Variants in GRHL2 observed in about 807,000 individuals in gnomAD.
The protein encoded by GRHL2 is grainyhead like transcription factor 2.
A neutral mutation model predicts 83.8 loss-of-function variants in GRHL2; 21 were observed. The observed-to-expected ratio is 0.25, with a 90% CI of 0.18 to 0.36. The LOEUF (loss-of-function observed/expected upper bound fraction) is 0.36, where lower values mean the gene tolerates loss of function less well. GRHL2 is among the 10% of genes least tolerant of loss of function. GRHL2 has a pLI of 1.00. For missense variants in GRHL2, 623 were observed against 781.8 expected (o/e 0.80, Z 2.42); for synonymous variants, 280 against 278.9 (o/e 1.00, Z -0.04).
chr8:101,573,816 A>C lies in GRHL2; in HGVS notation c.883A>C (p.Lys295Gln), dbSNP rs775971734. Residue 295 changes from lysine (K) to glutamine (Q), a missense_variant, in exon 6 of 16, where the codon AAA becomes CAA. By Grantham distance (53) the Lys-to-Gln change is moderately conservative. Transcript: ENST00000646743. ...DNKCFRHPISKVRSVVMVVFS... is the reference protein window; with the variant it reads ...DNKCFRHPISQVRSVVMVVFS... The stretch of plus-strand genomic sequence containing the variant: ...CAAATGCTTCCGACACCCCATCAGC[A>C]AAGTCAGGGTAGGGGCCACATTTCT... The C allele has an allele frequency of 6.2e-7, 1 of 1,614,230 alleles. No individual in the cohort carries two copies. Among genetic ancestry groups the C allele is most frequent in the Admixed American group, 1.7e-5 (1 of 60,032 alleles).
chr8:101,657,932 G>A (rs1025920322), intron 14 of GRHL2, among the ~76,000 whole-genome samples: 1 of 152,116 alleles, frequency 6.6e-6, no homozygotes, highest in Non-Finnish European at 1.5e-5. Context: ...TGTGCCACAC[G>A]TTTTCCATTC....
chr8:101,581,807 G>C (rs1812058022), intron 7 of GRHL2, among the ~76,000 whole-genome samples: 1 of 152,208 alleles, frequency 6.6e-6, no homozygotes, highest in African/African-American at 2.4e-5. Flanking sequence ...GTAAGTGGCA[G>C]CATAGAAGAG....
At chr8:101,619,265 T>C (rs1812916349) in intron 8 of GRHL2, among the ~76,000 whole-genome samples, 2 of 151,836 alleles carry the variant, frequency 1.3e-5, no homozygotes, top group South Asian at 4.2e-4. Flanking sequence ...AAAAATAAAA[T>C]AAAATAAAAT....
chr8:101,648,129 G>C (rs1299382226), intron 13 of GRHL2, among the ~76,000 whole-genome samples: 2 of 152,164 alleles, frequency 1.3e-5, no homozygotes, highest in African/African-American at 4.8e-5. Flanking sequence ...GGGGATGAGG[G>C]TGGCCTCTGA....
intron 1 of GRHL2, among the ~76,000 whole-genome samples, chr8:101,542,142 A>G (rs116829047): frequency 1.3e-3 from 200 of 152,326 alleles, no homozygotes; most frequent in African/African-American, 4.6e-3. Context: ...TTTCAAGTAT[A>G]GATTAAACTA....
chr8:101,642,811 T>C (rs1813428825), intron 12 of GRHL2, among the ~76,000 whole-genome samples: 1 of 152,254 alleles, frequency 6.6e-6, no homozygotes, highest in Non-Finnish European at 1.5e-5. Context: ...GGTGCTTCTC[T>C]GAATAGCCTG....
chr8:101,643,369 CAAAAAAAA>C (rs56301334), intron 12 of GRHL2, among the ~76,000 whole-genome samples: 10,124 of 97,072 alleles, frequency 0.1, 773 homozygotes, highest in African/African-American at 0.24. Context: ...CTGTTTCTCT[CAAAAAAAA>C]AAAAAAAAAA....
chr8:101,523,382 G>A (rs1175923142), intron 1 of GRHL2, among the ~76,000 whole-genome samples: 2 of 152,034 alleles, frequency 1.3e-5, no homozygotes, highest in Non-Finnish European at 2.9e-5. Flanking sequence ...AAGAATGTTG[G>A]ATGCTATGGA....
At chr8:101,508,106 C>A in intron 1 of GRHL2, among the ~76,000 whole-genome samples, 1 of 152,120 alleles carries the variant, frequency 6.6e-6, no homozygotes, top group East Asian at 1.9e-4. Flanking sequence ...ATCCTTATCA[C>A]TAAATTTTGC....
intron 8 of GRHL2, among the ~76,000 whole-genome samples, chr8:101,611,741 C>T (rs900696976): frequency 6.6e-6 from 1 of 150,866 alleles, no homozygotes; most frequent in Admixed American, 6.6e-5. Flanking sequence ...CACACTTGGC[C>T]TCATTCAGTG....
In GRHL2 at chr8:101,558,399, C is replaced by CG. The variant is rs727504472; in HGVS notation, c.285-14dup. ...TGATTTTTCTAATTCTATCATGTTGCGGGGGGTTTCAACACACAGAAACTG... is the reference window on the plus strand; with the variant it reads ...TGATTTTTCTAATTCTATCATGTTGCGGGGGGGTTTCAACACACAGAAACTG... On this transcript the variant is annotated intron_variant, in intron 3 of 15. Transcript: ENST00000646743. 8 of 1,613,598 alleles carry CG rather than the reference C, an allele frequency of 5.0e-6. No individual in the cohort carries two copies. The East Asian group carries it at 6.7e-5, about 13-fold the overall frequency.
At chr8:101,530,417 C>G (rs1351904706) in intron 1 of GRHL2, among the ~76,000 whole-genome samples, 2 of 152,216 alleles carry the variant, frequency 1.3e-5, no homozygotes, top group African/African-American at 4.8e-5. Flanking sequence ...AACTGACTCT[C>G]TCTTTAATTC....
rs536779854 is a variant in GRHL2 at position 101,624,624 on chromosome 8, TAC to T, written c.1257+4931_1257+4932del. Among the ~76,000 whole-genome samples, 619 of 131,930 alleles carry T rather than the reference TAC, an allele frequency of 4.7e-3. 5 individuals are homozygous for T. The highest frequency in any genetic ancestry group is 0.016 in the African/African-American group (577 of 37,008). 86.6% of individuals were successfully genotyped at this position (131,930 alleles called of 152,430 possible). Reference sequence around the variant, plus strand: ...GGACAGTACACAGGACAGTTTACAGTACACAGTAGGACAGTACACAGTAGGAC... The same window carrying T: ...GGACAGTACACAGGACAGTTTACAGTACAGTAGGACAGTACACAGTAGGAC... On this transcript the variant is annotated intron_variant, in intron 9 of 15. Transcript: ENST00000646743.
At chr8:101,524,111 A>G (rs908950671) in intron 1 of GRHL2, among the ~76,000 whole-genome samples, 1 of 152,150 alleles carries the variant, frequency 6.6e-6, no homozygotes, top group African/African-American at 2.4e-5. Flanking sequence ...AAATAATTGA[A>G]TCACTTTGGA....
chr8:101,653,480 G>A (rs574494466), intron 14 of GRHL2, among the ~76,000 whole-genome samples: 108 of 152,202 alleles, frequency 7.1e-4, no homozygotes, highest in Admixed American at 2.2e-3. Context: ...AACTGGGCCC[G>A]TCAGAATCAC....
intron 1 of GRHL2, among the ~76,000 whole-genome samples, chr8:101,539,253 C>T (rs116208434): frequency 6.6e-6 from 1 of 152,212 alleles, no homozygotes; most frequent in Admixed American, 6.5e-5. Context: ...GCAATGTGTG[C>T]GTCTCTGAGG....
At chr8:101,562,061 A>G in intron 4 of GRHL2, 1 of 729,148 alleles carries the variant, frequency 1.4e-6, no homozygotes, top group East Asian at 2.9e-5. Context: ...TCTTCCAACT[A>G]CTTCCCTTTG....
the GRHL2 span, among the ~76,000 whole-genome samples, chr8:101,678,354 C>T: frequency 1.3e-5 from 2 of 152,108 alleles, no homozygotes; most frequent in African/African-American, 4.8e-5. Flanking sequence ...CACTCCCACC[C>T]GAATACTGCG....
At chr8:101,521,068 C>G (rs1375316143) in intron 1 of GRHL2, among the ~76,000 whole-genome samples, 1 of 152,118 alleles carries the variant, frequency 6.6e-6, no homozygotes, top group Non-Finnish European at 1.5e-5. Context: ...TTAGGGGAAC[C>G]ACCTGTGAGA....
Sources: gnomAD v4.1 joint callset for allele counts (sites outside exome capture counted in the v4.1 genomes callset) on GRCh38, gnomAD v4.1.1 for gene constraint, MANE v1.5 for transcripts, NCBI Gene and HGNC (gene_info 2026-07-23, HGNC 2026-07-21) for gene names.